The following CNTNAP2 variants were observed in gnomAD, a reference collection of about 807,000 sequenced individuals.
CNTNAP2 encodes the protein contactin associated protein 2.
In CNTNAP2, 98 loss-of-function variants were observed where a neutral mutation model predicts 155.2. The ratio of observed to expected loss-of-function variants is 0.63; its 90% CI spans 0.54 to 0.75. CNTNAP2 has a LOEUF of 0.75. Ranked by LOEUF, CNTNAP2 falls within the 30% of genes least tolerant of loss-of-function variation. The pLI, the probability that CNTNAP2 is intolerant of heterozygous loss-of-function variation, is 0.00. For synonymous variants in CNTNAP2, 651 were observed against 631.2 expected (o/e 1.03, Z -0.47); for missense variants, 1,727 against 1,688.1 (o/e 1.02, Z -0.40).
intron 15 of CNTNAP2, among the ~76,000 whole-genome samples, chr7:148,103,278 A>AC: frequency 6.6e-6 from 1 of 151,334 alleles, no homozygotes; most frequent in Non-Finnish European, 1.5e-5. Context: ...CCTAAGCAGT[A>AC]CCCAGCTTGA....
At chr7:148,076,613 T>A (rs1410301836) in intron 15 of CNTNAP2, among the ~76,000 whole-genome samples, 2 of 151,622 alleles carry the variant, frequency 1.3e-5, no homozygotes, top group African/African-American at 4.8e-5. Flanking sequence ...TTTTTTGTAT[T>A]TTTAGTACAG....
chr7:147,530,293 C>T (rs1799409094), intron 11 of CNTNAP2, among the ~76,000 whole-genome samples: 1 of 150,594 alleles, frequency 6.6e-6, no homozygotes, highest in Admixed American at 6.7e-5. Flanking sequence ...TCAAGTGATT[C>T]ATCAGCCTTC....
At position 147,720,912 on chromosome 7, in the gene CNTNAP2, C is replaced by A. The variant is rs574162228; in HGVS notation, c.2098+81606C>A. Among the ~76,000 whole-genome samples the A allele has an allele frequency of 3.3e-5, 5 of 152,206 alleles. No individual in the cohort carries two copies. In the East Asian group the frequency reaches 5.8e-4, roughly 18 times the overall value. On this transcript the variant is annotated intron_variant, in intron 13 of 23. Transcript: ENST00000361727. The stretch of plus-strand genomic sequence containing the variant: ...ATGGTTTTCATCAGGATACCAAGTT[C>A]TAGCCCACAGCCTGTGAGTTATAGG...
intron 1 of CNTNAP2, among the ~76,000 whole-genome samples, chr7:146,432,493 A>G (rs966075008): frequency 2.0e-5 from 3 of 152,168 alleles, no homozygotes; most frequent in Middle Eastern, 3.2e-3. Context: ...TGTAGAAACT[A>G]TGGAACAAAC....
At chr7:148,015,137 T>A (rs117726929) in intron 15 of CNTNAP2, among the ~76,000 whole-genome samples, 1 of 152,324 alleles carries the variant, frequency 6.6e-6, no homozygotes, top group Non-Finnish European at 1.5e-5. Context: ...ATGTATCTGA[T>A]GGAAAATACC....
At chr7:147,685,107 A>T (rs1329275458) in intron 13 of CNTNAP2, among the ~76,000 whole-genome samples, 1 of 152,010 alleles carries the variant, frequency 6.6e-6, no homozygotes, top group Non-Finnish European at 1.5e-5. Context: ...CTCAGTGTTT[A>T]AAGCTATAAA....
chr7:147,866,805 A>G (rs1027840661), intron 13 of CNTNAP2, among the ~76,000 whole-genome samples: 3 of 150,526 alleles, frequency 2.0e-5, no homozygotes, highest in Non-Finnish European at 4.4e-5. Flanking sequence ...TGCTTGGTAG[A>G]TCTTCCTCCA....
chr7:146,120,516 G>A (rs753646551), intron 1 of CNTNAP2, among the ~76,000 whole-genome samples: 3 of 152,100 alleles, frequency 2.0e-5, no homozygotes, highest in Non-Finnish European at 4.4e-5. Context: ...TAACCTTTAT[G>A]CAGTTATAAA....
chr7:148,297,204 G>GGAAGGAAGGAAGGAAA (rs1563030569), intron 21 of CNTNAP2, among the ~76,000 whole-genome samples: 3 of 150,872 alleles, frequency 2.0e-5, no homozygotes, highest in African/African-American at 4.9e-5. Flanking sequence ...AAGGAAGGAA[G>GGAAGGAAGGAAGGAAA]GAAAAACACC....
chr7:147,976,040 G>A (rs762667205), intron 14 of CNTNAP2, among the ~76,000 whole-genome samples: 1 of 152,050 alleles, frequency 6.6e-6, no homozygotes, highest in Non-Finnish European at 1.5e-5. Context: ...TTAAATGGCT[G>A]TATTTCAATA....
intron 18 of CNTNAP2, among the ~76,000 whole-genome samples, chr7:148,198,033 G>A (rs749208787): frequency 2.6e-5 from 4 of 152,120 alleles, no homozygotes; most frequent in Non-Finnish European, 2.9e-5. Context: ...TTTTCCCTGC[G>A]CGAATCTCAA....
chr7:147,945,523 T>A (rs909998152), intron 14 of CNTNAP2, among the ~76,000 whole-genome samples: 2 of 152,246 alleles, frequency 1.3e-5, no homozygotes, highest in Non-Finnish European at 2.9e-5. Context: ...GGTTGAAGAC[T>A]CAAAAAGCTT....
At chr7:146,954,745 T>C (rs1312139772) in intron 3 of CNTNAP2, among the ~76,000 whole-genome samples, 3 of 151,956 alleles carry the variant, frequency 2.0e-5, no homozygotes, top group Non-Finnish European at 2.9e-5. Context: ...TGTTATACTC[T>C]CTTACACTTT....
intron 6 of CNTNAP2, 97 bp from the exon 7 acceptor site, chr7:147,128,596 T>C (rs1206303173): frequency 3.1e-5 from 42 of 1,356,318 alleles, no homozygotes; most frequent in Non-Finnish European, 4.1e-5. Flanking sequence ...TATATTTTGG[T>C]TGAGGTATAG....
At position 147,913,523 on chromosome 7, in the gene CNTNAP2, C is replaced by G. The variant is rs1237288320; in HGVS notation, c.2255+9802C>G. On this transcript the variant is annotated intron_variant, in intron 14 of 23. Transcript: ENST00000361727. ...CAGATTTTTAGGGCCCAACAACAGG[C>G]AGTTCAATGAAGGAAAGATAAAGAA... Among the ~76,000 whole-genome samples, 6 of 151,894 alleles carry G rather than the reference C, an allele frequency of 4.0e-5. No homozygotes were observed. In the East Asian group the frequency reaches 1.2e-3, roughly 29 times the overall value.
chr7:147,156,061 C>T (rs1319302749), intron 8 of CNTNAP2, among the ~76,000 whole-genome samples: 1 of 152,150 alleles, frequency 6.6e-6, no homozygotes, highest in Non-Finnish European at 1.5e-5. Flanking sequence ...ACTTTTTCCT[C>T]ACGCCTTACA....
At position 146,890,895 on chromosome 7, in the gene CNTNAP2, C is replaced by A. The variant is rs538133166; in HGVS notation, c.402+50991C>A. Among the ~76,000 whole-genome samples the A allele has an allele frequency of 5.3e-5, 8 of 152,194 alleles. No individual in the cohort carries two copies. In the South Asian group the frequency reaches 1.5e-3, roughly 28 times the overall value. On this transcript the variant is annotated intron_variant, in intron 3 of 23. Coordinates refer to ENST00000361727, the MANE Select transcript of CNTNAP2 (RefSeq NM_014141.6). The stretch of plus-strand genomic sequence containing the variant: ...CAGCAATCCCATTTCTGGGTATATA[C>A]CCAAAGGAAAATAAATCATTCTACC...
intron 1 of CNTNAP2, among the ~76,000 whole-genome samples, chr7:146,174,129 C>T (rs1332394615): frequency 2.0e-5 from 3 of 151,534 alleles, no homozygotes; most frequent in Non-Finnish European, 2.9e-5. Context: ...TGCGTTGAGC[C>T]CAGGGGAGGA....
intron 1 of CNTNAP2, among the ~76,000 whole-genome samples, chr7:146,432,739 T>A (rs1796189793): frequency 6.6e-6 from 1 of 152,200 alleles, no homozygotes; most frequent in Non-Finnish European, 1.5e-5. Flanking sequence ...TTGTTCCTTA[T>A]TTTTAAAGTG....
Sources: gnomAD v4.1 joint callset for allele counts (sites outside exome capture counted in the v4.1 genomes callset) on GRCh38, gnomAD v4.1.1 for gene constraint, MANE v1.5 for transcripts, NCBI Gene and HGNC (gene_info 2026-07-23, HGNC 2026-07-21) for gene names.